POT1: variants seen among roughly 807,000 people sequenced by gnomAD.
The protein encoded by POT1 is protection of telomeres 1, also known as protection of telomeres protein 1.
POT1 carries 47 observed loss-of-function variants against 78.5 expected under a neutral mutation model. The observed-to-expected ratio is 0.60, with a 90% CI of 0.47 to 0.76. The LOEUF (loss-of-function observed/expected upper bound fraction) is 0.76. Among genes scored for constraint, POT1 ranks in the 30% least tolerant of loss-of-function variants. The pLI is 0.00. For missense variants in POT1, 646 were observed against 749.9 expected (o/e 0.86, Z 1.62); for synonymous variants, 259 against 260.7 (o/e 0.99, Z 0.06).
At chr7:124,828,187 C>CTGAGTGAAT (rs1212579774) in intron 16 of POT1, among the ~76,000 whole-genome samples, 2 of 151,956 alleles carry the variant, frequency 1.3e-5, no homozygotes, top group Non-Finnish European at 2.9e-5. Context: ...CAGTTAAATA[C>CTGAGTGAAT]CGTTTTAGCA....
intron 14 of POT1, among the ~76,000 whole-genome samples, chr7:124,839,742 G>A (rs183435674): frequency 2.6e-5 from 4 of 152,006 alleles, no homozygotes; most frequent in Admixed American, 2.0e-4. Context: ...TAAGCAAAAG[G>A]TACAAAGTTT....
At chr7:124,905,023 G>A (rs1206171080) in intron 3 of POT1, among the ~76,000 whole-genome samples, 3 of 152,256 alleles carry the variant, frequency 2.0e-5, no homozygotes, top group East Asian at 1.9e-4. Flanking sequence ...AACATTCCAC[G>A]CTCATGGATA....
At chr7:124,834,087 C>A (rs1021490466) in intron 15 of POT1, among the ~76,000 whole-genome samples, 4 of 152,084 alleles carry the variant, frequency 2.6e-5, no homozygotes, top group African/African-American at 9.7e-5. Context: ...CCCCTTACAC[C>A]TTATACAAAA....
At chr7:124,923,687 G>C (rs1797205172) in intron 2 of POT1, among the ~76,000 whole-genome samples, 1 of 151,102 alleles carries the variant, frequency 6.6e-6, no homozygotes, top group African/African-American at 2.4e-5. Flanking sequence ...GCTATCCCCA[G>C]GAAAATACAC....
chr7:124,887,901 G>A (rs1796283578), intron 6 of POT1, among the ~76,000 whole-genome samples: 1 of 151,938 alleles, frequency 6.6e-6, no homozygotes, highest in African/African-American at 2.4e-5. Context: ...GGCTTTTGAT[G>A]TTTTCGTTTA....
chr7:124,850,938 T>C (rs919392604), intron 11 of POT1, among the ~76,000 whole-genome samples: 3 of 148,694 alleles, frequency 2.0e-5, no homozygotes, highest in Admixed American at 6.7e-5. Flanking sequence ...CAGAGAAACA[T>C]GACCTAGATT....
At chr7:124,928,143 A>G (rs914775687) in intron 2 of POT1, among the ~76,000 whole-genome samples, 1 of 152,058 alleles carries the variant, frequency 6.6e-6, no homozygotes, top group African/African-American at 2.4e-5. Context: ...TTTTTTCAAT[A>G]TCCTTCCCAT....
intron 9 of POT1, among the ~76,000 whole-genome samples, chr7:124,857,092 T>C (rs375158998): frequency 1.3e-5 from 2 of 152,168 alleles, no homozygotes; most frequent in African/African-American, 4.8e-5. Flanking sequence ...CAGAACAGTA[T>C]TGATGGTGAA....
intron 6 of POT1, among the ~76,000 whole-genome samples, chr7:124,880,592 T>C (rs1408459941): frequency 6.6e-6 from 1 of 152,022 alleles, no homozygotes; most frequent in Non-Finnish European, 1.5e-5. Context: ...AATTTTAAAA[T>C]ACTGAAAATT....
At chr7:124,900,791 T>G (rs1304908538) in intron 3 of POT1, 1 of 379,268 alleles carries the variant, frequency 2.6e-6, no homozygotes, top group Non-Finnish European at 5.5e-6. Context: ...ATCGGGACAC[T>G]CCTGCCATAA....
At chr7:124,912,533 A>G (rs1246621624) in intron 3 of POT1, among the ~76,000 whole-genome samples, 3 of 152,136 alleles carry the variant, frequency 2.0e-5, no homozygotes, top group Non-Finnish European at 4.4e-5. Context: ...GTTCTGCCTT[A>G]CATTCTCCAT....
chr7:124,900,234 A>G (rs1168440585), intron 3 of POT1, among the ~76,000 whole-genome samples: 1 of 152,180 alleles, frequency 6.6e-6, no homozygotes, highest in Non-Finnish European at 1.5e-5. Context: ...GGATCCTCTC[A>G]TAAGTATAGT....
At position 124,842,903 on chromosome 7, in the gene POT1, G is replaced by A. The variant is rs1342019926; in HGVS notation, c.1067C>T (p.Ala356Val). Reference protein sequence around the residue: ...TPLCAILKQKAPQQYRIRAKL... With the variant: ...TPLCAILKQKVPQQYRIRAKL... ...TGCTCGGATGCGGTATTGTTGAGGA[G>A]CTTTTTGTTTCAAAATGGCACATAG... Residue 356 changes from alanine (A) to valine (V), a missense_variant, in exon 13 of 19, where the codon GCT (alanine) becomes GTT (valine). Ala to Val is a moderately conservative substitution (Grantham distance 64). Coordinates refer to ENST00000357628, the MANE Select transcript of POT1 (RefSeq NM_015450.3). 3 of 1,607,982 alleles carry A rather than the reference G, an allele frequency of 1.9e-6. No homozygotes were observed. The highest frequency in any genetic ancestry group is 2.5e-6 in the Non-Finnish European group (3 of 1,177,742).
intron 15 of POT1, among the ~76,000 whole-genome samples, chr7:124,831,830 A>G (rs561313600): frequency 6.6e-6 from 1 of 152,128 alleles, no homozygotes; most frequent in South Asian, 2.1e-4. Flanking sequence ...AAAAAATGAA[A>G]AATATGCCAT....
At chr7:124,927,106 T>C (rs1360729018) in intron 2 of POT1, among the ~76,000 whole-genome samples, 1 of 152,236 alleles carries the variant, frequency 6.6e-6, no homozygotes, top group Non-Finnish European at 1.5e-5. Flanking sequence ...TTTGTTTAAA[T>C]TATCAAAAGT....
intron 6 of POT1, among the ~76,000 whole-genome samples, chr7:124,879,682 TA>T (rs1216793673): frequency 6.6e-6 from 1 of 152,096 alleles, no homozygotes. Flanking sequence ...ATAGCAAGAT[TA>T]AAAAGTAAAG....
At chr7:124,840,751 C>A in intron 14 of POT1, 1 of 359,264 alleles carries the variant, frequency 2.8e-6, no homozygotes, top group Non-Finnish European at 5.0e-6. Flanking sequence ...AATGTTAACA[C>A]TTGAGTCTGA....
rs1252545942 is a variant in POT1, at chr7:124,900,159, A to T, written c.-153-1785T>A. On this transcript the variant is annotated intron_variant, in intron 3 of 18. Transcript: ENST00000357628. ...AAACTGCATTGAAGGCCCTTCAGTG[A>T]TCTCATCCCAAGCAACTCTGCCTGT... 2.6e-5 allele frequency among the ~76,000 whole-genome samples: 4 copies of T among 152,106 alleles called. No individual in the cohort carries two copies. The East Asian group carries it at 7.7e-4, about 29-fold the overall frequency.
chr7:124,870,185 C>T (rs570336994), intron 7 of POT1, among the ~76,000 whole-genome samples: 1 of 152,034 alleles, frequency 6.6e-6, no homozygotes, highest in East Asian at 1.9e-4. Context: ...AAAAGCTGTC[C>T]AAAGCATCAT....
Sources: allele counts gnomAD v4.1 joint callset (sites outside exome capture counted in the v4.1 genomes callset), GRCh38; gene constraint gnomAD v4.1.1; transcripts MANE v1.5; gene names NCBI Gene and HGNC (gene_info 2026-07-23, HGNC 2026-07-21).